The following PPP2R2C variants were observed in gnomAD, a reference collection of about 807,000 sequenced individuals.
The protein encoded by PPP2R2C is protein phosphatase 2 regulatory subunit Bgamma.
Under a neutral mutation model 45.3 loss-of-function variants are expected in PPP2R2C, and 10 were observed. The ratio of observed to expected loss-of-function variants is 0.22; its 90% CI spans 0.14 to 0.37. The LOEUF is 0.37. Among genes scored for constraint, PPP2R2C ranks in the 10% least tolerant of loss-of-function variants. The probability of loss-of-function intolerance (pLI) is 1.00; values close to 1 mark genes in which losing one functional copy is unlikely to be tolerated. For synonymous variants in PPP2R2C, 257 were observed against 245.4 expected (o/e 1.05, Z -0.44); for missense variants, 308 against 619.7 (o/e 0.50, Z 5.34).
chr4:6,333,598 G>A lies in PPP2R2C; in HGVS notation c.924C>T (p.Asp308=), dbSNP rs765351896. ...TRDYLTVKVW[D]LNMEARPIET... is the part of the protein sequence containing the mutation. ...CTATGGGTCTTGCCTCCATGTTCAG[G>A]TCCCAGACCTTGACTGTAAGGTAGT... The change falls in exon 7 of 9, where the codon GAC becomes GAT. Residue 308 remains aspartate, a synonymous_variant. Transcript: ENST00000382599. 23 of 1,614,046 alleles carry A rather than the reference G, an allele frequency of 1.4e-5. No homozygotes were observed. Among genetic ancestry groups the A allele is most frequent in the Non-Finnish European group, 1.9e-5 (22 of 1,180,018 alleles).
intron 1 of PPP2R2C, among the ~76,000 whole-genome samples, chr4:6,396,124 A>G (rs1278089529): frequency 6.6e-6 from 1 of 152,166 alleles, no homozygotes; most frequent in East Asian, 1.9e-4. Flanking sequence ...CAGCTTCCAC[A>G]TGGGGAAACC....
At chr4:6,382,943 T>C in intron 1 of PPP2R2C, 1 of 1,087,908 alleles carries the variant, frequency 9.2e-7, no homozygotes, top group Non-Finnish European at 1.1e-6. Flanking sequence ...CAGAGTGTTC[T>C]AAAGGCAGCC....
At chr4:6,516,564 C>T (rs1233652166) in intron 2 of PPP2R2C, among the ~76,000 whole-genome samples, 1 of 152,202 alleles carries the variant, frequency 6.6e-6, no homozygotes, top group Non-Finnish European at 1.5e-5. Context: ...TACTGCCGGG[C>T]CCATGACTCC....
intron 1 of PPP2R2C, among the ~76,000 whole-genome samples, chr4:6,405,765 T>C (rs1467449842): frequency 6.6e-6 from 1 of 152,114 alleles, no homozygotes; most frequent in Non-Finnish European, 1.5e-5. Context: ...AGTGCCATCT[T>C]GATGATCATA....
intron 1 of PPP2R2C, among the ~76,000 whole-genome samples, chr4:6,404,252 C>T (rs1013799821): frequency 1.3e-5 from 2 of 152,174 alleles, no homozygotes; most frequent in Admixed American, 1.3e-4. Context: ...TCCCCAAAGC[C>T]CGGCTGAAGG....
rs1732135120 is a variant in PPP2R2C at position 6,328,499 on chromosome 4, G to T, written c.1052+763C>A. Reference sequence around the variant, plus strand: ...CCTGAGCACAAAGCTGATGTGATTTGGGAGGGCAGAAGAGGGATTTTCCCA... The same window carrying T: ...CCTGAGCACAAAGCTGATGTGATTTTGGAGGGCAGAAGAGGGATTTTCCCA... On this transcript the variant is annotated intron_variant, in intron 8 of 8. Coordinates refer to ENST00000382599, the MANE Select transcript of PPP2R2C (RefSeq NM_020416.4). The surrounding 1 kb of genome is among the most constrained non-coding windows in gnomAD (Gnocchi z 4.4). Among the ~76,000 whole-genome samples the T allele has an allele frequency of 6.6e-6, 1 of 152,168 alleles. No homozygotes were observed. Among genetic ancestry groups the T allele is most frequent in the Non-Finnish European group, 1.5e-5 (1 of 68,024 alleles).
At chr4:6,341,649 G>A (rs1733453499) in intron 6 of PPP2R2C, among the ~76,000 whole-genome samples, 2 of 152,176 alleles carry the variant, frequency 1.3e-5, no homozygotes, top group South Asian at 2.1e-4. Flanking sequence ...CTTGAGGTAC[G>A]GAGGTGACCC....
rs900778015 is a variant in PPP2R2C at position 6,447,079 on chromosome 4, C to A, written c.70+25081G>T. On this transcript the variant is annotated intron_variant, in intron 1 of 8. Coordinates refer to ENST00000382599, the MANE Select transcript of PPP2R2C (RefSeq NM_020416.4). The stretch of plus-strand genomic sequence containing the variant: ...GGCTGGCAGCAGCCCAAGACAAAGA[C>A]CTGCTAGAGAAAAGAGACCATGGGA... 5.9e-5 allele frequency among the ~76,000 whole-genome samples: 9 copies of A among 152,064 alleles called. No homozygotes were observed. The East Asian group carries it at 1.4e-3, about 23-fold the overall frequency.
intron 2 of PPP2R2C, among the ~76,000 whole-genome samples, chr4:6,510,554 G>T (rs1311341489): frequency 6.6e-6 from 1 of 152,144 alleles, no homozygotes; most frequent in Non-Finnish European, 1.5e-5. Flanking sequence ...ACATGCATGT[G>T]CATGCACACA....
rs146298927 is a variant in PPP2R2C, at chr4:6,398,413, A to G, written c.71-17319T>C. ...CCTCTTACAGCTCAATAATATAAAC[A>G]CAAGCAACCTGATTTAAAATAGGCA... is the stretch of plus-strand genomic sequence containing the variant. On this transcript the variant is annotated intron_variant, in intron 1 of 8. Transcript: ENST00000382599. 4.0e-4 allele frequency among the ~76,000 whole-genome samples: 61 copies of G among 152,318 alleles called. No individual in the cohort carries two copies. The Middle Eastern group carries it at 0.031, about 76-fold the overall frequency.
intron 4 of PPP2R2C, 114 bp downstream of exon 4, chr4:6,375,705 G>T: frequency 2.2e-6 from 2 of 894,940 alleles, no homozygotes; most frequent in Non-Finnish European, 1.7e-6. Flanking sequence ...GCAGCCAGCA[G>T]CCCAACCAGG....
In PPP2R2C at chr4:6,333,718, A is replaced by G. The variant is rs148293311; in HGVS notation, c.804T>C (p.Pro268=). 35 of 1,613,988 alleles carry G rather than the reference A, an allele frequency of 2.2e-5. No homozygotes were observed. The Middle Eastern group carries it at 6.6e-4, about 30-fold the overall frequency. ...AGAATGAGCGGTTACTGGGGTCCTCAGGCTCTTCAAAGACTGTGGAGACAG... is the reference window on the plus strand; with the variant it reads ...AGAATGAGCGGTTACTGGGGTCCTCGGGCTCTTCAAAGACTGTGGAGACAG... ...CDKHSKLFEE[P]EDPSNRSFFS... is the part of the protein sequence containing the mutation. Residue 268 remains proline (P), a synonymous_variant, in exon 7 of 9, where the codon CCT becomes CCC. Coordinates refer to ENST00000382599, the MANE Select transcript of PPP2R2C (RefSeq NM_020416.4).
chr4:6,330,039 G>C lies in PPP2R2C; in HGVS notation c.961-686C>G, dbSNP rs990148049. On this transcript the variant is annotated intron_variant, in intron 7 of 8. Coordinates refer to ENST00000382599, the MANE Select transcript of PPP2R2C (RefSeq NM_020416.4). The surrounding 1 kb of genome is among the most constrained non-coding windows in gnomAD (Gnocchi z 7.0). ...GTTTCTCATCCATCCACAGCACGAG[G>C]CACTGAGGCTCACAGGGTCACACAG... Among the ~76,000 whole-genome samples the C allele has an allele frequency of 1.3e-5, 2 of 152,110 alleles. No homozygotes were observed. The highest frequency in any genetic ancestry group is 4.8e-5 in the African/African-American group (2 of 41,422).
At chr4:6,417,929 C>T (rs1433922691) in intron 1 of PPP2R2C, among the ~76,000 whole-genome samples, 1 of 152,146 alleles carries the variant, frequency 6.6e-6, no homozygotes, top group Non-Finnish European at 1.5e-5. Flanking sequence ...GACGGAGACT[C>T]CCCTTAGCTC....
chr4:6,448,373 G>A (rs766095860), intron 1 of PPP2R2C, among the ~76,000 whole-genome samples: 3 of 152,034 alleles, frequency 2.0e-5, no homozygotes, highest in African/African-American at 2.4e-5. Context: ...GTATTGGAGC[G>A]GGATCCAGAC....
intron 1 of PPP2R2C, among the ~76,000 whole-genome samples, chr4:6,446,783 C>T (rs1443036462): frequency 1.3e-5 from 2 of 151,822 alleles, no homozygotes; most frequent in Admixed American, 6.6e-5. Context: ...GCATGGCAGG[C>T]GCTGCTGTTA....
chr4:6,436,740 C>T (rs12645711), intron 1 of PPP2R2C, among the ~76,000 whole-genome samples: 3 of 152,320 alleles, frequency 2.0e-5, no homozygotes, highest in East Asian at 1.9e-4. Context: ...ACTACTCAAC[C>T]CTGCTGTTGT....
chr4:6,494,541 G>A (rs1477839625), intron 2 of PPP2R2C, among the ~76,000 whole-genome samples: 4 of 152,196 alleles, frequency 2.6e-5, no homozygotes, highest in African/African-American at 7.2e-5. Context: ...GGACCACACG[G>A]GTGCCAGATG....
chr4:6,497,673 C>T (rs1289916008), intron 2 of PPP2R2C, among the ~76,000 whole-genome samples: 1 of 152,198 alleles, frequency 6.6e-6, no homozygotes, highest in Non-Finnish European at 1.5e-5. Flanking sequence ...CCTTCTGCTA[C>T]ATTAAAATCA....
Sources: allele counts gnomAD v4.1 joint callset (sites outside exome capture counted in the v4.1 genomes callset), GRCh38; gene constraint gnomAD v4.1.1; non-coding constraint Gnocchi (gnomAD v3.1); transcripts MANE v1.5; gene names NCBI Gene and HGNC (gene_info 2026-07-23, HGNC 2026-07-21).